Variants in EXD3 observed in about 807,000 individuals in gnomAD.
EXD3 encodes exonuclease mut-7 homolog.
In EXD3, 92 loss-of-function variants were observed where a neutral mutation model predicts 98.0. That is an observed-to-expected ratio of 0.94 (90% CI 0.79 to 1.12). The LOEUF is 1.12. Ranked by LOEUF, EXD3 falls within the 50% of genes most tolerant of loss-of-function variation. The pLI is 0.00. For synonymous variants in EXD3, 569 were observed against 526.0 expected (o/e 1.08, Z -1.12); for missense variants, 1,222 against 1,191.6 (o/e 1.03, Z -0.38).
chr9:137,328,698 A>T (rs112372767), intron 17 of EXD3, among the ~76,000 whole-genome samples: 1 of 3,622 alleles, frequency 2.8e-4, no homozygotes, highest in Non-Finnish European at 4.1e-4. Context: ...GGGACTACAC[A>T]GGGTCACACG....
At chr9:137,355,710 A>AGAAAGGGAGGAAGGC (rs1834732320) in intron 8 of EXD3, among the ~76,000 whole-genome samples, 2 of 99,562 alleles carry the variant, frequency 2.0e-5, no homozygotes, top group African/African-American at 3.1e-5. Flanking sequence ...AGGAGGAAGG[A>AGAAAGGGAGGAAGGC]GGAAGGAGGA....
intron 8 of EXD3, among the ~76,000 whole-genome samples, chr9:137,355,499 A>AGGAGGAAG (rs1834629944): frequency 7.2e-5 from 2 of 27,726 alleles, no homozygotes; most frequent in East Asian, 3.7e-3. Flanking sequence ...GGATGGAGGA[A>AGGAGGAAG]GGAGGAAGGA....
At chr9:137,388,324 T>C (rs1836714168) in intron 2 of EXD3, among the ~76,000 whole-genome samples, 1 of 151,846 alleles carries the variant, frequency 6.6e-6, no homozygotes, top group African/African-American at 2.4e-5. Flanking sequence ...CCAGGACGGC[T>C]CCCCAGCTGA....
At position 137,347,644 on chromosome 9, in the gene EXD3, A is replaced by G. The variant is rs1399716725; in HGVS notation, c.1998+427T>C. On this transcript the variant is annotated intron_variant, in intron 17 of 21. Transcript: ENST00000340951. The surrounding 1 kb of genome is among the most constrained non-coding windows in gnomAD (Gnocchi z 4.2). ...TTTTTGGTACAGACGGGGTTTCACC[A>G]TATTGGTCAGGCTGGTCTCCAACTC... Among the ~76,000 whole-genome samples the G allele has an allele frequency of 6.6e-6, 1 of 151,890 alleles. No homozygotes were observed. Among genetic ancestry groups the G allele is most frequent in the Admixed American group, 6.6e-5 (1 of 15,236 alleles).
At chr9:137,330,827 C>T (rs1391703017) in intron 17 of EXD3, among the ~76,000 whole-genome samples, 1 of 152,134 alleles carries the variant, frequency 6.6e-6, no homozygotes, top group African/African-American at 2.4e-5. Context: ...TTCATTAACA[C>T]GAAGGAGTTT....
At chr9:137,354,514 C>A in intron 9 of EXD3, 137 bp from the exon 10 acceptor site, 4 of 1,541,286 alleles carry the variant, frequency 2.6e-6, no homozygotes, top group Admixed American at 3.9e-5. Context: ...GGTGCCACAG[C>A]CCAGAGCCAG....
At chr9:137,406,349 T>C (rs544588745) in intron 1 of EXD3, among the ~76,000 whole-genome samples, 115 of 145,590 alleles carry the variant, frequency 7.9e-4, no homozygotes, top group African/African-American at 2.7e-3. Context: ...ATGAGGCCCC[T>C]GCACAGAACC....
At chr9:137,387,742 T>C (rs1836678828) in intron 2 of EXD3, among the ~76,000 whole-genome samples, 1 of 152,102 alleles carries the variant, frequency 6.6e-6, no homozygotes, top group African/African-American at 2.4e-5. Context: ...CCAGACCCGC[T>C]CTCCGGCCCC....
At chr9:137,370,604 G>GAAAA (rs71387830) in intron 5 of EXD3, among the ~76,000 whole-genome samples, 1 of 129,934 alleles carries the variant, frequency 7.7e-6, no homozygotes, top group Non-Finnish European at 1.6e-5. Context: ...CTGCTTTCAG[G>GAAAA]AAAAAAAAAA....
intron 5 of EXD3, among the ~76,000 whole-genome samples, chr9:137,368,761 T>G (rs1377261349): frequency 7.2e-6 from 1 of 138,354 alleles, no homozygotes; most frequent in African/African-American, 2.7e-5. Context: ...CGGGGGCCTT[T>G]CCCTGCGCAG....
At position 137,371,138 on chromosome 9, in the gene EXD3, G is replaced by A. The variant is rs1360480599; in HGVS notation, c.462+1767C>T. Among the ~76,000 whole-genome samples the A allele has an allele frequency of 6.6e-6, 1 of 152,232 alleles. No homozygotes were observed. The highest frequency in any genetic ancestry group is 2.4e-5 in the African/African-American group (1 of 41,456). ...ATTCCTGCCTCGGAGCGCGAGGGAG[G>A]CGCATTCAGCCGGCCCCAGACAGTC... On this transcript the variant is annotated intron_variant, in intron 5 of 21. Coordinates refer to ENST00000340951, the MANE Select transcript of EXD3 (RefSeq NM_017820.5). This position sits in a 1 kb window ranked among gnomAD's most constrained non-coding sequence, Gnocchi z 8.0.
chr9:137,381,440 G>C (rs1334117607), intron 3 of EXD3, among the ~76,000 whole-genome samples: 1 of 117,828 alleles, frequency 8.5e-6, no homozygotes, highest in African/African-American at 3.4e-5. Context: ...AAAAAAAAAA[G>C]ACAGGAACAC....
At chr9:137,421,075 C>T (rs1222685434) in intron 1 of EXD3, among the ~76,000 whole-genome samples, 1 of 152,172 alleles carries the variant, frequency 6.6e-6, no homozygotes, top group Non-Finnish European at 1.5e-5. Flanking sequence ...CTTGGCCTCC[C>T]AAAGTGCTGG....
Position 137,412,269 on chromosome 9 carries a change from A to C in EXD3, c.-48+10845T>G, listed in dbSNP as rs575482776. 4.6e-5 allele frequency among the ~76,000 whole-genome samples: 7 copies of C among 152,340 alleles called. No individual in the cohort carries two copies. In the East Asian group the frequency reaches 1.4e-3, roughly 29 times the overall value. ...CCCTCCCCACCTCATATTGTCTGACACAGCAGCCACAGCTGAAAGTGCAAG... is the reference window on the plus strand; with the variant it reads ...CCCTCCCCACCTCATATTGTCTGACCCAGCAGCCACAGCTGAAAGTGCAAG... On this transcript the variant is annotated intron_variant, in intron 1 of 21. Transcript: ENST00000340951.
chr9:137,356,406 T>A (rs1368492383), intron 7 of EXD3, 38 bp from the exon 8 acceptor site: 3 of 1,291,564 alleles, frequency 2.3e-6, no homozygotes, highest in East Asian at 5.0e-5. Context: ...GTTGCTGTTT[T>A]AAGTTAATAC....
At position 137,395,675 on chromosome 9, in the gene EXD3, G is replaced by T. The variant is rs1173579584; in HGVS notation, c.-47-271C>A. 6.6e-6 allele frequency among the ~76,000 whole-genome samples: 1 copy of T among 152,162 alleles called. No individual in the cohort carries two copies. The highest frequency in any genetic ancestry group is 2.1e-4 in the South Asian group (1 of 4,834). On this transcript the variant is annotated intron_variant, in intron 1 of 21. Coordinates refer to ENST00000340951, the MANE Select transcript of EXD3 (RefSeq NM_017820.5). The surrounding 1 kb of genome is among the most constrained non-coding windows in gnomAD (Gnocchi z 6.5). ...GGGGGTGGGAGGGGCCCTGGGGGGG[G>T]GCACAGTAGACAGACCCTCGCGGGA...
At chr9:137,389,066 C>T (rs13295443) in intron 2 of EXD3, among the ~76,000 whole-genome samples, 64,055 of 152,004 alleles carry the variant, frequency 0.42, 14,101 homozygotes, top group Non-Finnish European at 0.49. Context: ...CCCTCTGCCA[C>T]GAGTCTGTCT....
chr9:137,344,682 C>T (rs1275470911), intron 17 of EXD3, among the ~76,000 whole-genome samples: 3 of 152,236 alleles, frequency 2.0e-5, no homozygotes, highest in African/African-American at 7.2e-5. Flanking sequence ...CCCAAATCAT[C>T]AAGTCCTAGT....
At chr9:137,352,232 T>C (rs1189378990) in intron 11 of EXD3, 31 bp from the exon 12 acceptor site, 1 of 1,611,642 alleles carries the variant, frequency 6.2e-7, no homozygotes, top group Non-Finnish European at 8.5e-7. Context: ...AGCGCCCCCA[T>C]GTCCCTGGTC....
Sources: allele counts gnomAD v4.1 joint callset (sites outside exome capture counted in the v4.1 genomes callset), GRCh38; gene constraint gnomAD v4.1.1; non-coding constraint Gnocchi (gnomAD v3.1); transcripts MANE v1.5; gene names NCBI Gene and HGNC (gene_info 2026-07-23, HGNC 2026-07-21).